PRKDC: variants seen among roughly 807,000 people sequenced by gnomAD.
PRKDC encodes protein kinase, DNA-activated, catalytic subunit, also known as DNA-dependent protein kinase catalytic subunit.
PRKDC carries 82 observed loss-of-function variants against 486.9 expected under a neutral mutation model. The ratio of observed to expected loss-of-function variants is 0.17; its 90% CI spans 0.14 to 0.20. PRKDC has a LOEUF of 0.20. Ranked by LOEUF, PRKDC falls within the 10% of genes least tolerant of loss-of-function variation. The probability of loss-of-function intolerance (pLI) is 1.00; values close to 1 mark genes in which losing one functional copy is unlikely to be tolerated. For missense variants in PRKDC, 4,504 were observed against 5,038.2 expected, an observed-to-expected ratio of 0.89 and a Z score of 3.21; for synonymous variants, 1,895 against 1,837.0, an observed-to-expected ratio of 1.03 and a Z score of -0.81.
intron 40 of PRKDC, among the ~76,000 whole-genome samples, chr8:47,873,301 C>T (rs1049874484): frequency 2.7e-4 from 41 of 150,636 alleles, no homozygotes; most frequent in Non-Finnish European, 5.5e-4. Context: ...CTTTGGGAGG[C>T]CAAAGCGGGT....
intron 21 of PRKDC, among the ~76,000 whole-genome samples, chr8:47,926,587 G>A (rs180703735): frequency 3.3e-5 from 5 of 151,914 alleles, no homozygotes; most frequent in African/African-American, 7.3e-5. Context: ...TGCTTGCATC[G>A]GATGACAATG....
At chr8:47,909,510 G>A (rs1167736943) in intron 25 of PRKDC, among the ~76,000 whole-genome samples, 1 of 152,148 alleles carries the variant, frequency 6.6e-6, no homozygotes, top group African/African-American at 2.4e-5. Flanking sequence ...TGAAATCAGT[G>A]CACACTGAAA....
intron 77 of PRKDC, 68 bp downstream of exon 77, chr8:47,785,045 C>G (rs2086767500): frequency 6.8e-7 from 1 of 1,473,526 alleles, no homozygotes; most frequent in Non-Finnish European, 9.4e-7. Context: ...ATTCCAGAAA[C>G]CACGAGTTCT....
In PRKDC at chr8:47,852,203, A is replaced by T. The variant is rs1389578955; in HGVS notation, c.7005+470T>A. ...GCGCACTGCACTTAAACGTTCAGTT[A>T]GGCTCATCTCACAGTCCTGTCCAGT... is the stretch of plus-strand genomic sequence containing the variant. On this transcript the variant is annotated intron_variant, in intron 52 of 85. Coordinates refer to ENST00000314191, the MANE Select transcript of PRKDC (RefSeq NM_006904.7). 2.2e-4 allele frequency among the ~76,000 whole-genome samples: 34 copies of T among 152,218 alleles called. 1 individual carries two copies. Among genetic ancestry groups the T allele is most frequent in the Admixed American group, 2.2e-3 (34 of 15,280 alleles).
At position 47,949,841 on chromosome 8, in the gene PRKDC, A is replaced by G. The variant is rs553190065; in HGVS notation, c.721+3779T>C. Among the ~76,000 whole-genome samples, 6 of 152,378 alleles carry G rather than the reference A, an allele frequency of 3.9e-5. No individual in the cohort carries two copies. The South Asian group carries it at 1.2e-3, about 32-fold the overall frequency. ...GATAAGCAAGGAAGAAGGCATGGGT[A>G]GAAACATTAGCTTAAAATGAAACTG... On this transcript the variant is annotated intron_variant, in intron 7 of 85. Coordinates refer to ENST00000314191, the MANE Select transcript of PRKDC (RefSeq NM_006904.7).
At chr8:47,853,845 T>C (rs372808380) in intron 51 of PRKDC, among the ~76,000 whole-genome samples, 6 of 152,336 alleles carry the variant, frequency 3.9e-5, no homozygotes, top group East Asian at 1.9e-4. Context: ...AGAATTTTTT[T>C]GGTATAGATG....
At chr8:47,923,413 T>C (rs2090106021) in intron 21 of PRKDC, among the ~76,000 whole-genome samples, 1 of 152,186 alleles carries the variant, frequency 6.6e-6, no homozygotes, top group African/African-American at 2.4e-5. Context: ...AGAAAAATTT[T>C]CTGAGCTTTA....
In PRKDC at chr8:47,855,807, T is replaced by C. The variant is rs1252814086; in HGVS notation, c.6610-434A>G. 5.3e-5 allele frequency among the ~76,000 whole-genome samples: 8 copies of C among 152,326 alleles called. 1 individual carries two copies. The South Asian group carries it at 1.0e-3, about 20-fold the overall frequency. ...GAGCCTCCTGTTCAGGGCCTCTCAA[T>C]GGTGAGACGGCCCTTGTCTGTGCTA... On this transcript the variant is annotated intron_variant, in intron 49 of 85. Transcript: ENST00000314191.
intron 15 of PRKDC, 87 bp downstream of exon 15, chr8:47,933,878 A>G (rs2090300782): frequency 2.2e-6 from 3 of 1,356,856 alleles, no homozygotes; most frequent in Non-Finnish European, 2.9e-6. Context: ...TTAGTAAAAT[A>G]TAATTCTGAA....
intron 59 of PRKDC, among the ~76,000 whole-genome samples, chr8:47,832,184 A>G (rs1411176311): frequency 6.6e-6 from 1 of 152,212 alleles, no homozygotes; most frequent in Non-Finnish European, 1.5e-5. Context: ...ACCCCCGCCC[A>G]ACTCGCCTGG....
chr8:47,848,972 G>A (rs1392068860), intron 54 of PRKDC, among the ~76,000 whole-genome samples, 182 bp downstream of exon 54: 1 of 152,210 alleles, frequency 6.6e-6, no homozygotes, highest in Non-Finnish European at 1.5e-5. Flanking sequence ...AGGGAGCAGA[G>A]AGCAGGCCCA....
At chr8:47,915,131 T>C (rs2089966155) in intron 23 of PRKDC, among the ~76,000 whole-genome samples, 197 bp downstream of exon 23, 1 of 152,216 alleles carries the variant, frequency 6.6e-6, no homozygotes, top group African/African-American at 2.4e-5. Flanking sequence ...AGAACATATG[T>C]TCTACCAGTA....
At position 47,826,479 on chromosome 8, in the gene PRKDC, G is replaced by A. The variant is rs1053164911; in HGVS notation, c.8783+177C>T. ...CCTTGAGCAAGACATTACTTGTTGT[G>A]GCAACTGTTCTTGCCTTTGAGAATG... On this transcript the variant is annotated intron_variant, in intron 63 of 85. Transcript: ENST00000314191. Among the ~76,000 whole-genome samples the A allele has an allele frequency of 2.0e-5, 3 of 152,202 alleles. No homozygotes were observed. In the South Asian group the frequency reaches 6.2e-4, roughly 31 times the overall value.
At chr8:47,785,963 G>A (rs1043497179) in intron 76 of PRKDC, among the ~76,000 whole-genome samples, 5 of 151,870 alleles carry the variant, frequency 3.3e-5, no homozygotes, top group African/African-American at 9.7e-5. Flanking sequence ...AAAATTAGTC[G>A]GGTGTGGTGG....
intron 11 of PRKDC, among the ~76,000 whole-genome samples, chr8:47,937,723 C>T (rs1433498423): frequency 2.6e-5 from 4 of 152,214 alleles, no homozygotes; most frequent in Non-Finnish European, 5.9e-5. Flanking sequence ...AAGGGAAAAT[C>T]TCATGCAATC....
chr8:47,794,972 TC>T (rs2086951501), intron 73 of PRKDC, among the ~76,000 whole-genome samples: 5 of 152,174 alleles, frequency 3.3e-5, no homozygotes, highest in Admixed American at 3.3e-4. Context: ...CACTGCAACC[TC>T]CGCCTCCTGG....
intron 22 of PRKDC, among the ~76,000 whole-genome samples, chr8:47,915,921 T>C (rs1216241530): frequency 1.3e-5 from 2 of 152,246 alleles, no homozygotes; most frequent in Admixed American, 1.3e-4. Context: ...AAAGGTTAGT[T>C]ACAATGTCGA....
intron 67 of PRKDC, among the ~76,000 whole-genome samples, chr8:47,818,496 A>C (rs551614599): frequency 1.3e-5 from 2 of 148,454 alleles, no homozygotes; most frequent in Admixed American, 6.8e-5. Flanking sequence ...GGAGAATGGC[A>C]TGAACCCGGG....
At chr8:47,943,811 A>T in intron 9 of PRKDC, 42 bp downstream of exon 9, 1 of 1,453,616 alleles carries the variant, frequency 6.9e-7, no homozygotes. Flanking sequence ...ATGTTAATTT[A>T]GTAATCTAAA....
Sources: allele counts gnomAD v4.1 joint callset (sites outside exome capture counted in the v4.1 genomes callset), GRCh38; gene constraint gnomAD v4.1.1; transcripts MANE v1.5; gene names NCBI Gene and HGNC (gene_info 2026-07-23, HGNC 2026-07-21).